The following ACSBG2 variants were observed in gnomAD, a reference collection of about 807,000 sequenced individuals.
ACSBG2 encodes long-chain-fatty-acid--CoA ligase ACSBG2.
Under a neutral mutation model 74.7 loss-of-function variants are expected in ACSBG2, and 62 were observed. The observed-to-expected ratio is 0.83, with a 90% CI of 0.68 to 1.03. The LOEUF is 1.03. Ranked by LOEUF, ACSBG2 falls within the 50% of genes least tolerant of loss-of-function variation. ACSBG2 has a pLI of 0.00. For synonymous variants in ACSBG2, 309 were observed against 294.1 expected, an observed-to-expected ratio of 1.05 and a Z score of -0.52; for missense variants, 730 against 817.6, an observed-to-expected ratio of 0.89 and a Z score of 1.31.
chr19:6,166,065 CTT>C, intron 7 of ACSBG2, 50 bp downstream of exon 7: 1 of 1,606,990 alleles, frequency 6.2e-7, no homozygotes, highest in Non-Finnish European at 8.5e-7. Flanking sequence ...GGCTGTTTCT[CTT>C]GTTGGCTTCC....
At chr19:6,140,859 T>C (rs1428203455) in intron 1 of ACSBG2, among the ~76,000 whole-genome samples, 4 of 152,228 alleles carry the variant, frequency 2.6e-5, no homozygotes, top group African/African-American at 9.6e-5. Context: ...GTATTTCTCA[T>C]AGGACTGAGT....
rs2090039798 is a variant in ACSBG2 at position 6,174,335 on chromosome 19, CCTTT to C, written c.739-2891_739-2888del. ...GAATTTCCACAGCATCCCTTCTGCT[CCTTT>C]CTGTCAGTCAAAACAAATCACTGGA... On this transcript the variant is annotated intron_variant, in intron 7 of 14. Transcript: ENST00000588485. This position sits in a 1 kb window ranked among gnomAD's most constrained non-coding sequence, Gnocchi z 4.2. 6.6e-6 allele frequency among the ~76,000 whole-genome samples: 1 copy of C among 152,182 alleles called. No individual in the cohort carries two copies.
intron 7 of ACSBG2, among the ~76,000 whole-genome samples, chr19:6,168,012 A>G (rs982439786): frequency 1.9e-5 from 2 of 108,094 alleles, no homozygotes; most frequent in Non-Finnish European, 3.4e-5. Context: ...TACAGCCACC[A>G]GAGAGTGCCT....
intron 3 of ACSBG2, 76 bp downstream of exon 3, chr19:6,147,751 C>T (rs1231057493): frequency 1.4e-6 from 2 of 1,472,216 alleles, no homozygotes; most frequent in East Asian, 4.6e-5. Context: ...ACATGTGGTA[C>T]AAAATTCACA....
intron 6 of ACSBG2, among the ~76,000 whole-genome samples, chr19:6,161,839 G>A (rs527827928): frequency 3.0e-4 from 45 of 152,038 alleles, no homozygotes; most frequent in Non-Finnish European, 5.6e-4. Context: ...GCTAATTACT[G>A]CTGGGCAACA....
intron 11 of ACSBG2, among the ~76,000 whole-genome samples, chr19:6,185,890 C>G (rs1015398141): frequency 2.0e-5 from 3 of 152,088 alleles, no homozygotes; most frequent in Non-Finnish European, 2.9e-5. Flanking sequence ...AAAAGACAAG[C>G]CTTGGAACCT....
At chr19:6,183,381 C>A in intron 10 of ACSBG2, 109 bp downstream of exon 10, 1 of 900,552 alleles carries the variant, frequency 1.1e-6, no homozygotes, top group Non-Finnish European at 1.7e-6. Flanking sequence ...GACGTGGTGT[C>A]TCCAGAATGA....
At chr19:6,165,822 T>A in intron 6 of ACSBG2, 44 bp from the exon 7 acceptor site, 1 of 1,609,426 alleles carries the variant, frequency 6.2e-7, no homozygotes, top group South Asian at 1.1e-5. Context: ...GTGAGAGGAC[T>A]CCCGACTGCC....
chr19:6,137,250 A>G (rs2088613129), intron 1 of ACSBG2: 1 of 139,724 alleles, frequency 7.2e-6, no homozygotes, highest in African/African-American at 2.6e-5. Context: ...GGAGTTCAAG[A>G]CCGGCCTGGG....
intron 2 of ACSBG2, among the ~76,000 whole-genome samples, chr19:6,144,304 A>G (rs1263973964): frequency 6.6e-6 from 1 of 152,130 alleles, no homozygotes; most frequent in Non-Finnish European, 1.5e-5. Context: ...AGCCTACTGA[A>G]GTAATTAGTT....
chr19:6,161,513 C>T, intron 6 of ACSBG2: 1 of 457,104 alleles, frequency 2.2e-6, no homozygotes, highest in South Asian at 2.7e-5. Flanking sequence ...TTTCAAAGGA[C>T]GTGAAATGTG....
intron 7 of ACSBG2, among the ~76,000 whole-genome samples, chr19:6,171,956 C>T (rs1315021023): frequency 6.6e-6 from 1 of 152,072 alleles, no homozygotes; most frequent in Non-Finnish European, 1.5e-5. Context: ...AAAGACCATT[C>T]TTCAAGCTCT....
At chr19:6,153,599 G>T (rs2089307480) in intron 4 of ACSBG2, among the ~76,000 whole-genome samples, 1 of 152,112 alleles carries the variant, frequency 6.6e-6, no homozygotes, top group Non-Finnish European at 1.5e-5. Flanking sequence ...ACTTTGGGAG[G>T]CTGAGATGGG....
rs984163453 is a variant in ACSBG2 at position 6,188,604 on chromosome 19, G to A, written c.1927+759G>A. ...AATCATGCCAGTGCACTCCAGCCTA[G>A]GCAATGCAGTGAGACCCTGTCTCAA... is the stretch of plus-strand genomic sequence containing the variant. On this transcript the variant is annotated intron_variant, in intron 13 of 14. Coordinates refer to ENST00000588485, the MANE Select transcript of ACSBG2 (RefSeq NM_030924.5). 1.3e-5 allele frequency among the ~76,000 whole-genome samples: 2 copies of A among 152,164 alleles called. 1 individual carries two copies. The highest frequency in any genetic ancestry group is 4.1e-4 in the South Asian group (2 of 4,832).
intron 14 of ACSBG2, chr19:6,191,130 T>C (rs2090552457): frequency 6.3e-6 from 1 of 158,728 alleles, no homozygotes; most frequent in South Asian, 1.8e-4. Flanking sequence ...ACACAGATAA[T>C]AAGGGATGGA....
At chr19:6,153,540 T>A (rs527462652) in intron 4 of ACSBG2, among the ~76,000 whole-genome samples, 19 of 152,022 alleles carry the variant, frequency 1.2e-4, no homozygotes, top group African/African-American at 4.3e-4. Context: ...GCCACGGCCA[T>A]GACAAAATTG....
intron 2 of ACSBG2, among the ~76,000 whole-genome samples, chr19:6,143,413 A>AACAAAC (rs2088919944): frequency 6.6e-6 from 1 of 150,512 alleles, no homozygotes; most frequent in African/African-American, 2.5e-5. Context: ...CAAAAACAAA[A>AACAAAC]ACAAACACCA....
At chr19:6,147,994 T>C (rs2089104964) in intron 3 of ACSBG2, among the ~76,000 whole-genome samples, 1 of 152,262 alleles carries the variant, frequency 6.6e-6, no homozygotes, top group South Asian at 2.1e-4. Context: ...CCTAACATAC[T>C]ATCTCTATGT....
At chr19:6,172,557 T>C (rs1172283692) in intron 7 of ACSBG2, among the ~76,000 whole-genome samples, 1 of 151,772 alleles carries the variant, frequency 6.6e-6, no homozygotes, top group Admixed American at 6.6e-5. Context: ...AAGGTCTGTA[T>C]GGGTTCCATG....
Sources: gnomAD v4.1 joint callset for allele counts (sites outside exome capture counted in the v4.1 genomes callset) on GRCh38, gnomAD v4.1.1 for gene constraint, Gnocchi (gnomAD v3.1) non-coding constraint, MANE v1.5 for transcripts, NCBI Gene and HGNC (gene_info 2026-07-23, HGNC 2026-07-21) for gene names.